The following STK33 variants were observed in gnomAD, a reference collection of about 807,000 sequenced individuals.
STK33 encodes serine/threonine-protein kinase 33.
STK33 carries 52 observed loss-of-function variants against 58.0 expected under a neutral mutation model. That is an observed-to-expected ratio of 0.90 (90% CI 0.72 to 1.13). The LOEUF (loss-of-function observed/expected upper bound fraction) is 1.13. Ranked by LOEUF, STK33 falls within the 50% of genes most tolerant of loss-of-function variation. The probability of loss-of-function intolerance (pLI) is 0.00; values close to 1 mark genes in which losing one functional copy is unlikely to be tolerated. For synonymous variants in STK33, 215 were observed against 200.1 expected (o/e 1.07, Z -0.63); for missense variants, 630 against 604.2 (o/e 1.04, Z -0.45).
chr11:8,348,083 TC>T, the STK33 span, among the ~76,000 whole-genome samples: 1 of 152,158 alleles, frequency 6.6e-6, no homozygotes, highest in Non-Finnish European at 1.5e-5. Flanking sequence ...TGACTCTATT[TC>T]CCCTGTGCTT....
intron 11 of STK33, among the ~76,000 whole-genome samples, chr11:8,448,797 C>G (rs1460876315): frequency 1.3e-5 from 2 of 152,106 alleles, no homozygotes; most frequent in Non-Finnish European, 2.9e-5. Context: ...CCTAATTAAA[C>G]AAAAGAGCTT....
intron 6 of STK33, chr11:8,466,593 C>G (rs955819235): frequency 6.6e-6 from 1 of 152,204 alleles, no homozygotes; most frequent in African/African-American, 2.4e-5. Flanking sequence ...CTTTCACAGG[C>G]TGACATTAAG....
chr11:8,483,652 C>T (rs897053794), intron 1 of STK33, among the ~76,000 whole-genome samples: 1 of 152,124 alleles, frequency 6.6e-6, no homozygotes, highest in African/African-American at 2.4e-5. Context: ...TCAATGTCTG[C>T]TGAAAATATA....
intron 14 of STK33, among the ~76,000 whole-genome samples, chr11:8,428,129 G>A (rs1409435398): frequency 6.6e-6 from 1 of 152,172 alleles, no homozygotes; most frequent in Non-Finnish European, 1.5e-5. Context: ...TGAGGAGGAG[G>A]TACTCCTAAA....
At chr11:8,364,294 T>C in the STK33 span, among the ~76,000 whole-genome samples, 4 of 152,270 alleles carry the variant, frequency 2.6e-5, no homozygotes, top group Non-Finnish European at 5.9e-5. Flanking sequence ...TCTAGCATTA[T>C]CATTTTCATT....
chr11:8,457,138 G>A (rs1188323962), intron 9 of STK33, among the ~76,000 whole-genome samples: 1 of 152,002 alleles, frequency 6.6e-6, no homozygotes, highest in Non-Finnish European at 1.5e-5. Context: ...AATAAAAAAT[G>A]TTCATAATTT....
chr11:8,521,502 A>C (rs948885124), intron 1 of STK33, among the ~76,000 whole-genome samples: 34 of 152,354 alleles, frequency 2.2e-4, no homozygotes, highest in Non-Finnish European at 3.8e-4. Flanking sequence ...CTTAAATGTT[A>C]GACCTAAAAC....
At chr11:8,571,714 T>G (rs1957819710) in intron 1 of STK33, among the ~76,000 whole-genome samples, 1 of 151,542 alleles carries the variant, frequency 6.6e-6, no homozygotes, top group African/African-American at 2.4e-5. Context: ...GTGCCTGTAG[T>G]CCCAGCTACT....
At chr11:8,431,711 T>A (rs1048717148) in intron 14 of STK33, among the ~76,000 whole-genome samples, 1 of 152,318 alleles carries the variant, frequency 6.6e-6, no homozygotes, top group Non-Finnish European at 1.5e-5. Flanking sequence ...ACTTTAACAA[T>A]ATTAATAATT....
intron 1 of STK33, among the ~76,000 whole-genome samples, chr11:8,498,502 G>C (rs1208489776): frequency 2.0e-5 from 3 of 152,082 alleles, no homozygotes; most frequent in Non-Finnish European, 4.4e-5. Context: ...TCATGAAAGA[G>C]CCATACTGCC....
chr11:8,354,939 A>G, the STK33 span, among the ~76,000 whole-genome samples: 5 of 152,396 alleles, frequency 3.3e-5, no homozygotes, highest in South Asian at 1.0e-3. Context: ...GAAGCCAGCC[A>G]GGCGCAGCCT....
chr11:8,526,710 T>C (rs1472675386), intron 1 of STK33, among the ~76,000 whole-genome samples: 1 of 151,606 alleles, frequency 6.6e-6, no homozygotes, highest in African/African-American at 2.4e-5. Flanking sequence ...ATCAAATACC[T>C]AGGTATAAAT....
chr11:8,417,585 G>C (rs1447314978), intron 14 of STK33, among the ~76,000 whole-genome samples: 1 of 152,128 alleles, frequency 6.6e-6, no homozygotes, highest in Non-Finnish European at 1.5e-5. Context: ...AAACATTCTG[G>C]ATCTTTAGCA....
chr11:8,413,383 G>C, intron 15 of STK33, 112 bp downstream of exon 15: 1 of 1,156,842 alleles, frequency 8.6e-7, no homozygotes, highest in Non-Finnish European at 1.3e-6. Flanking sequence ...GCTATATAAC[G>C]CTCGGCCTTT....
At chr11:8,386,466 A>C in the STK33 span, among the ~76,000 whole-genome samples, 2 of 152,320 alleles carry the variant, frequency 1.3e-5, no homozygotes, top group Middle Eastern at 3.4e-3. Context: ...GGTAGCTAGA[A>C]GCCTTTTCTT....
At chr11:8,476,485 C>T (rs1376276084) in intron 4 of STK33, among the ~76,000 whole-genome samples, 1 of 152,202 alleles carries the variant, frequency 6.6e-6, no homozygotes, top group African/African-American at 2.4e-5. Flanking sequence ...CTCTCAGATA[C>T]AGTAGCCTCT....
At chr11:8,451,567 C>T (rs1001798558) in intron 11 of STK33, among the ~76,000 whole-genome samples, 3 of 151,910 alleles carry the variant, frequency 2.0e-5, no homozygotes, top group African/African-American at 7.3e-5. Context: ...GACAAGAAGG[C>T]AAATCTAGAG....
chr11:8,462,343 CAA>C (rs1219739400), intron 7 of STK33, among the ~76,000 whole-genome samples: 3 of 149,646 alleles, frequency 2.0e-5, no homozygotes, highest in African/African-American at 7.4e-5. Flanking sequence ...AGAAAAAAAA[CAA>C]AAAGTTTTTC....
At chr11:8,431,198 G>C (rs1943387268) in intron 14 of STK33, among the ~76,000 whole-genome samples, 4 of 151,992 alleles carry the variant, frequency 2.6e-5, no homozygotes, top group Non-Finnish European at 4.4e-5. Flanking sequence ...GGCTTCATTA[G>C]AGACTCAAAA....
Sources: allele counts gnomAD v4.1 joint callset (sites outside exome capture counted in the v4.1 genomes callset), GRCh38; gene constraint gnomAD v4.1.1; transcripts MANE v1.5; gene names NCBI Gene and HGNC (gene_info 2026-07-23, HGNC 2026-07-21).